Variants in PCDHA12 observed in about 807,000 individuals in gnomAD.
PCDHA12 encodes the protein protocadherin alpha 12.
In PCDHA12, 44 loss-of-function variants were observed where a neutral mutation model predicts 60.0. That is an observed-to-expected ratio of 0.73 (90% CI 0.58 to 0.94). PCDHA12 has a LOEUF of 0.94. Among genes scored for constraint, PCDHA12 ranks in the 40% least tolerant of loss-of-function variants. The pLI, the probability that PCDHA12 is intolerant of heterozygous loss-of-function variation, is 0.00. For synonymous variants in PCDHA12, 569 were observed against 553.0 expected (o/e 1.03, Z -0.40); for missense variants, 1,276 against 1,239.7 (o/e 1.03, Z -0.44).
At chr5:140,965,607 T>C (rs2095916367) in intron 1 of PCDHA12, among the ~76,000 whole-genome samples, 1 of 152,088 alleles carries the variant, frequency 6.6e-6, no homozygotes, top group Non-Finnish European at 1.5e-5. Flanking sequence ...CTTGAAGACA[T>C]TGTCATCCAT....
chr5:140,975,578 C>T (rs2096673039), intron 1 of PCDHA12, among the ~76,000 whole-genome samples: 2 of 152,232 alleles, frequency 1.3e-5, no homozygotes, highest in Non-Finnish European at 2.9e-5. Flanking sequence ...TATGCAGTCT[C>T]ATGTCCCAGA....
At chr5:140,883,971 C>G in intron 1 of PCDHA12, 1 of 1,613,030 alleles carries the variant, frequency 6.2e-7, no homozygotes. Context: ...CTGCTGACGC[C>G]CGGGGCTGGC....
chr5:141,005,701 C>CAAAAAAA (rs59860837), intron 3 of PCDHA12, among the ~76,000 whole-genome samples: 5 of 7,784 alleles, frequency 6.4e-4, no homozygotes, highest in African/African-American at 9.3e-4. Context: ...AACTCCGTCT[C>CAAAAAAA]AAAAAAAAAA....
Position 140,876,754 on chromosome 5 carries a change from C to A in PCDHA12, c.1282C>A (p.Arg428=). 1 of 1,614,212 alleles carries A rather than the reference C, an allele frequency of 6.2e-7. No individual in the cohort carries two copies. The highest frequency in any genetic ancestry group is 8.5e-7 in the Non-Finnish European group (1 of 1,180,044). ...GGCCTATGAGCTGGTGGTGACTGCGCGGGATGGGGGCTCGCCTTCGCTGTG... is the reference window on the plus strand; with the variant it reads ...GGCCTATGAGCTGGTGGTGACTGCGAGGGATGGGGGCTCGCCTTCGCTGTG... ...VSAYELVVTA[R]DGGSPSLWAT... Residue 428 remains arginine (R), a synonymous_variant, in exon 1 of 4, where the codon CGG becomes AGG. Transcript: ENST00000398631.
intron 1 of PCDHA12, among the ~76,000 whole-genome samples, chr5:140,965,168 T>A (rs1484687706): frequency 6.6e-6 from 1 of 152,180 alleles, no homozygotes; most frequent in Non-Finnish European, 1.5e-5. Context: ...GACGTTTTAG[T>A]GAGTGCTTTT....
chr5:140,918,517 G>A (rs2078735105), intron 1 of PCDHA12, among the ~76,000 whole-genome samples: 1 of 152,134 alleles, frequency 6.6e-6, no homozygotes, highest in South Asian at 2.1e-4. Flanking sequence ...TAAACTTATT[G>A]AGGATTGTTT....
chr5:140,912,318 C>T (rs1554195270), intron 1 of PCDHA12, among the ~76,000 whole-genome samples: 2 of 151,536 alleles, frequency 1.3e-5, no homozygotes, highest in East Asian at 1.9e-4. Context: ...CAAGTTGACC[C>T]TCAGTATTAA....
intron 1 of PCDHA12, among the ~76,000 whole-genome samples, chr5:140,936,367 A>G (rs1347774517): frequency 2.0e-5 from 3 of 152,348 alleles, no homozygotes; most frequent in East Asian, 1.9e-4. Flanking sequence ...GCTACTGAGC[A>G]CTTGAAATGT....
rs782751017 is a variant in PCDHA12 at position 140,876,955 on chromosome 5, G to T, written c.1483G>T (p.Val495Leu). The part of the protein sequence containing the change: ...QKNALVSYSL[V>L]ERRVGEHALS... ...GAACGCGCTGGTGTCCTACTCGCTG[G>T]TGGAGCGGCGGGTGGGCGAGCACGC... Residue 495 changes from valine to leucine, a missense_variant, in exon 1 of 4, where the codon GTG becomes TTG. By Grantham distance (32) the Val-to-Leu change is conservative (BLOSUM62 1). Transcript: ENST00000398631. 21 of 1,613,390 alleles carry T rather than the reference G, an allele frequency of 1.3e-5. No homozygotes were observed. Among genetic ancestry groups the T allele is most frequent in the Non-Finnish European group, 1.7e-5 (20 of 1,179,850 alleles).
rs564411271 is a variant in PCDHA12, at chr5:140,916,111, G to A, written c.2367+38272G>A. 1.9e-3 allele frequency among the ~76,000 whole-genome samples: 289 copies of A among 152,268 alleles called. 1 individual carries two copies. The highest frequency in any genetic ancestry group is 6.6e-3 in the African/African-American group (274 of 41,540). ...ACAGGGAATCTGCCTGGCCACTGCT[G>A]ATGTTCACTTAAAGCTTAAGGGCTG... On this transcript the variant is annotated intron_variant, in intron 1 of 3. Coordinates refer to ENST00000398631, the MANE Select transcript of PCDHA12 (RefSeq NM_018903.4).
chr5:140,997,575 C>T (rs565835201), intron 3 of PCDHA12, among the ~76,000 whole-genome samples: 5 of 151,884 alleles, frequency 3.3e-5, no homozygotes, highest in East Asian at 3.9e-4. Context: ...ATGTGTGGTC[C>T]GTTGTTGACT....
chr5:140,969,704 T>A (rs1317094729), intron 1 of PCDHA12, among the ~76,000 whole-genome samples: 2 of 152,172 alleles, frequency 1.3e-5, no homozygotes, highest in African/African-American at 4.8e-5. Context: ...TGCTGTATCA[T>A]CTACAGGGAA....
chr5:140,897,727 T>G (rs1468942464), intron 1 of PCDHA12, among the ~76,000 whole-genome samples: 1 of 152,148 alleles, frequency 6.6e-6, no homozygotes, highest in Non-Finnish European at 1.5e-5. Context: ...CTGGGTCAAA[T>G]AGTATTTCTA....
At chr5:140,978,881 A>G in intron 1 of PCDHA12, 68 bp from the exon 2 acceptor site, 1 of 1,610,922 alleles carries the variant, frequency 6.2e-7, no homozygotes, top group Non-Finnish European at 8.5e-7. Flanking sequence ...TAACTAATCA[A>G]TTAGCAGCAT....
Position 141,009,690 on chromosome 5 carries a change from TTAAA to T in PCDHA12, c.2582_2585del (p.Lys861ThrfsTer44). On this transcript the variant is annotated frameshift_variant, in exon 4 of 4. Transcript: ENST00000398631. LOFTEE classifies it high-confidence loss of function. ...GGTGTCAACAGCAACAGCTGGACCT[TTAAA>T]TACGGACCAGGCAACCCCAAACAAT... 6.2e-7 allele frequency: 1 copy of T among 1,614,068 alleles called. No individual in the cohort carries two copies. Among genetic ancestry groups the T allele is most frequent in the Non-Finnish European group, 8.5e-7 (1 of 1,180,024 alleles).
intron 3 of PCDHA12, among the ~76,000 whole-genome samples, chr5:140,991,403 C>A (rs1230118485): frequency 6.6e-6 from 1 of 152,116 alleles, no homozygotes; most frequent in African/African-American, 2.4e-5. Context: ...TATTTATTTC[C>A]CATTATGCTA....
At chr5:141,000,993 C>A (rs1273666357) in intron 3 of PCDHA12, among the ~76,000 whole-genome samples, 1 of 151,964 alleles carries the variant, frequency 6.6e-6, no homozygotes, top group Non-Finnish European at 1.5e-5. Context: ...AATAAATATG[C>A]TTTAAATATG....
intron 3 of PCDHA12, among the ~76,000 whole-genome samples, chr5:140,986,524 G>C (rs2097203903): frequency 6.6e-6 from 1 of 152,198 alleles, no homozygotes; most frequent in South Asian, 2.1e-4. Flanking sequence ...GCCTGTGAGG[G>C]AACTGGCCTG....
In PCDHA12 at chr5:140,876,048, T is replaced by A. The variant is rs376201695; in HGVS notation, c.576T>A (p.Pro192=). 5 of 1,613,812 alleles carry A rather than the reference T, an allele frequency of 3.1e-6. No individual in the cohort carries two copies. In the African/African-American group the frequency reaches 5.3e-5, roughly 17 times the overall value. Residue 192 remains proline (P), a synonymous_variant, in exon 1 of 4, where the codon CCT becomes CCA. Transcript: ENST00000398631. ...IKTKKDKSIL[P]ELVLRKLLDR... is the part of the protein sequence containing the mutation. ...CAAAAAAAGATAAAAGTATATTGCC[T>A]GAATTAGTTCTTCGGAAGTTATTGG...
Sources: gnomAD v4.1 joint callset for allele counts (sites outside exome capture counted in the v4.1 genomes callset) on GRCh38, gnomAD v4.1.1 for gene constraint, MANE v1.5 for transcripts, NCBI Gene and HGNC (gene_info 2026-07-23, HGNC 2026-07-21) for gene names.